Variants in DACH2 observed in about 807,000 individuals in gnomAD.
DACH2 encodes dachshund family transcription factor 2, also known as dachshund homolog 2.
A neutral mutation model predicts 35.8 loss-of-function variants in DACH2; 17 were observed. That is an observed-to-expected ratio of 0.48 (90% confidence interval 0.33 to 0.71). The LOEUF (loss-of-function observed/expected upper bound fraction) is 0.71, where lower values mean the gene tolerates loss of function less well. DACH2 is among the 30% of genes least tolerant of loss of function. DACH2 has a pLI of 0.02. For synonymous variants in DACH2, 195 were observed against 177.3 expected (o/e 1.10, Z -0.79); for missense variants, 469 against 472.7 (o/e 0.99, Z 0.07).
intron 3 of DACH2, among the ~76,000 whole-genome samples, chrX:86,606,480 A>G (rs2039859826): frequency 9.0e-6 from 1 of 111,153 alleles, no homozygotes; most frequent in East Asian, 2.8e-4. Flanking sequence ...TTTACTTTCC[A>G]TGTATTTGTA....
At chrX:86,725,859 G>A (rs2041463794) in intron 6 of DACH2, among the ~76,000 whole-genome samples, 1 of 111,408 alleles carries the variant, frequency 9.0e-6, no homozygotes, top group Non-Finnish European at 1.9e-5. Context: ...GGTATCATCA[G>A]TTGTGGTATT....
chrX:86,496,132 TTATAAC>T (rs1238725752), intron 2 of DACH2, among the ~76,000 whole-genome samples: 1 of 111,653 alleles, frequency 9.0e-6, no homozygotes, highest in East Asian at 2.8e-4. Flanking sequence ...TATATTTTGT[TTATAAC>T]TATTATTATC....
intron 4 of DACH2, among the ~76,000 whole-genome samples, chrX:86,677,936 T>G (rs1267245619): frequency 2.7e-5 from 3 of 112,226 alleles, no homozygotes; most frequent in African/African-American, 9.7e-5. Context: ...CAGCATTAGA[T>G]AGTGGCAGAT....
At chrX:86,442,724 G>A (rs1430367794) in intron 2 of DACH2, among the ~76,000 whole-genome samples, 1 of 110,486 alleles carries the variant, frequency 9.1e-6, no homozygotes, top group Non-Finnish European at 1.9e-5. Flanking sequence ...GTTGATTTTT[G>A]TATATGCCAA....
At chrX:86,560,569 G>C (rs1190359750) in intron 3 of DACH2, among the ~76,000 whole-genome samples, 1 of 102,159 alleles carries the variant, frequency 9.8e-6, no homozygotes, top group East Asian at 3.2e-4. Flanking sequence ...CAATGGAACA[G>C]AACAGAGCCC....
At chrX:86,320,640 A>G (rs2034998212) in intron 1 of DACH2, among the ~76,000 whole-genome samples, 1 of 112,590 alleles carries the variant, frequency 8.9e-6, no homozygotes, top group African/African-American at 3.2e-5. Context: ...CTCTGGCACC[A>G]GCAAAACCAC....
At chrX:86,577,433 GGAA>G (rs1439164423) in intron 3 of DACH2, among the ~76,000 whole-genome samples, 1 of 110,534 alleles carries the variant, frequency 9.0e-6, no homozygotes, top group Non-Finnish European at 1.9e-5. Flanking sequence ...TTAATAATAT[GGAA>G]GAATAGGCTT....
At chrX:86,742,254 T>A (rs980394924) in intron 7 of DACH2, among the ~76,000 whole-genome samples, 1 of 110,754 alleles carries the variant, frequency 9.0e-6, no homozygotes, top group Non-Finnish European at 1.9e-5. Context: ...CTACATAATG[T>A]TTGAATAAAA....
At chrX:86,427,075 G>T (rs951702431) in intron 2 of DACH2, among the ~76,000 whole-genome samples, 2 of 111,095 alleles carry the variant, frequency 1.8e-5, no homozygotes, top group Non-Finnish European at 3.8e-5. Context: ...CATTCAAAAG[G>T]AGTCAGTCCG....
intron 1 of DACH2, among the ~76,000 whole-genome samples, chrX:86,202,353 T>G (rs2032178586): frequency 9.0e-6 from 1 of 111,545 alleles, no homozygotes; most frequent in Admixed American, 9.6e-5. Flanking sequence ...ATGGGAAAGT[T>G]ATTGATTCTG....
chrX:86,627,255 C>T (rs761951425), intron 3 of DACH2, among the ~76,000 whole-genome samples: 1 of 111,598 alleles, frequency 9.0e-6, no homozygotes, highest in Non-Finnish European at 1.9e-5. Flanking sequence ...AAAATACTGC[C>T]AGTTTCTTTG....
At chrX:86,697,720 C>G (rs758384212) in intron 5 of DACH2, among the ~76,000 whole-genome samples, 1 of 109,028 alleles carries the variant, frequency 9.2e-6, no homozygotes, top group African/African-American at 3.3e-5. Flanking sequence ...AGAACTCCAA[C>G]AAAATGAAGA....
chrX:86,628,039 G>A (rs781704845), intron 3 of DACH2, among the ~76,000 whole-genome samples: 8 of 112,106 alleles, frequency 7.1e-5, no homozygotes, highest in African/African-American at 2.6e-4. Flanking sequence ...TTACCTACCA[G>A]CATTGGGCTA....
chrX:86,481,652 T>C (rs1365841249), intron 2 of DACH2: 1 of 112,219 alleles, frequency 8.9e-6, no homozygotes. Context: ...TTAAATCACT[T>C]ATGCAGATGA....
intron 3 of DACH2, among the ~76,000 whole-genome samples, chrX:86,630,669 A>C (rs1569456098): frequency 1.9e-5 from 2 of 107,901 alleles, no homozygotes; most frequent in Admixed American, 2.0e-4. Context: ...CAATAGATGT[A>C]ATAGGAGTGT....
intron 1 of DACH2, among the ~76,000 whole-genome samples, chrX:86,213,757 A>G (rs1332135765): frequency 1.8e-5 from 2 of 110,620 alleles, no homozygotes; most frequent in Non-Finnish European, 3.8e-5. Flanking sequence ...TGATCCACAA[A>G]CTTCAGAAAC....
Position 86,205,898 on chromosome X carries a change from T to C in DACH2, c.488+56790T>C, listed in dbSNP as rs1193738069. Among the ~76,000 whole-genome samples the C allele has an allele frequency of 4.5e-5, 5 of 111,129 alleles. No individual in the cohort carries two copies. In the East Asian group the frequency reaches 1.2e-3, roughly 26 times the overall value. On this transcript the variant is annotated intron_variant, in intron 1 of 11. Transcript: ENST00000373125. ...GTGGTTTTCTATGTTCAAATGTTTG[T>C]AACTGAGTTATAACCTATTACCTAC...
intron 1 of DACH2, among the ~76,000 whole-genome samples, chrX:86,315,713 G>A (rs1195793507): frequency 1.8e-5 from 2 of 108,419 alleles, no homozygotes; most frequent in African/African-American, 6.7e-5. Flanking sequence ...AACTGCAGAT[G>A]TAGTGAAGCT....
intron 1 of DACH2, among the ~76,000 whole-genome samples, chrX:86,216,770 A>G (rs568139359): frequency 9.0e-6 from 1 of 111,458 alleles, no homozygotes; most frequent in Admixed American, 9.6e-5. Context: ...GGGAGACACC[A>G]CAATTACATA....
Sources: allele counts gnomAD v4.1 joint callset (sites outside exome capture counted in the v4.1 genomes callset), GRCh38; gene constraint gnomAD v4.1.1; transcripts MANE v1.5; gene names NCBI Gene and HGNC (gene_info 2026-07-23, HGNC 2026-07-21).